PDE2A: variants seen among roughly 807,000 people sequenced by gnomAD.
PDE2A encodes cGMP-dependent 3',5'-cyclic phosphodiesterase.
PDE2A carries 53 observed loss-of-function variants against 133.6 expected under a neutral mutation model. The observed-to-expected ratio is 0.40, with a 90% CI of 0.32 to 0.50. The LOEUF (loss-of-function observed/expected upper bound fraction) is 0.50, where lower values mean the gene tolerates loss of function less well. PDE2A is among the 20% of genes least tolerant of loss of function. The probability of loss-of-function intolerance (pLI) is 0.73; values close to 1 mark genes in which losing one functional copy is unlikely to be tolerated. For missense variants in PDE2A, 796 were observed against 1,232.4 expected (o/e 0.65, Z 5.30); for synonymous variants, 491 against 490.2 (o/e 1.00, Z -0.02).
In PDE2A at chr11:72,605,120, G is replaced by A. The variant is rs778018870; in HGVS notation, c.323+18C>T. 6.5e-7 allele frequency: 1 copy of A among 1,548,548 alleles called. No individual in the cohort carries two copies. The highest frequency in any genetic ancestry group is 1.7e-5 in the Admixed American group (1 of 59,200). On this transcript the variant is annotated intron_variant, in intron 4 of 30. Coordinates refer to ENST00000334456, the MANE Select transcript of PDE2A (RefSeq NM_002599.5). ...TTGGCCATGCAAGAGGGCAATGGGG[G>A]TGCAGAGAATGGCTCACCGGACTTT...
intron 1 of PDE2A, among the ~76,000 whole-genome samples, chr11:72,667,815 G>A (rs1255241883): frequency 6.7e-6 from 1 of 150,084 alleles, no homozygotes; most frequent in Non-Finnish European, 1.5e-5. Context: ...ATTTGAGGCT[G>A]CAGTGAGCTA....
chr11:72,580,132 G>T (rs1488619188), intron 25 of PDE2A, among the ~76,000 whole-genome samples: 4 of 152,120 alleles, frequency 2.6e-5, no homozygotes, highest in African/African-American at 9.7e-5. Flanking sequence ...GCAGCCTCTG[G>T]AGGGGTGTTG....
rs932342293 is a variant in PDE2A, at chr11:72,576,895, G to A, written c.*489C>T. ...GGTCCTCAGGGGGCCTTCGCCCCGC[G>A]GCTGTTTCTAGTCCTCCCACAGAAC... On this transcript the variant is annotated 3_prime_UTR_variant, in exon 31 of 31. Coordinates refer to ENST00000334456, the MANE Select transcript of PDE2A (RefSeq NM_002599.5). The A allele has an allele frequency of 5.1e-5, 9 of 175,272 alleles. No homozygotes were observed. Among genetic ancestry groups the A allele is most frequent in the Middle Eastern group, 5.1e-4 (1 of 1,964 alleles). The allele number at this position is 175,272 out of a possible 1,614,324, so 10.9% of individuals were successfully genotyped here.
intron 21 of PDE2A, 101 bp downstream of exon 21, chr11:72,582,343 T>TG: frequency 8.2e-7 from 1 of 1,218,464 alleles, no homozygotes; most frequent in Non-Finnish European, 1.2e-6. Context: ...CAGCCTTCCT[T>TG]GATGACTCTG....
chr11:72,595,908 G>A (rs1327798783), intron 6 of PDE2A, among the ~76,000 whole-genome samples: 3 of 152,158 alleles, frequency 2.0e-5, no homozygotes, highest in South Asian at 2.1e-4. Flanking sequence ...AGGGGCTGCA[G>A]AGGGAGGCTT....
rs1246581338 is a variant in PDE2A at position 72,585,418 on chromosome 11, C to G, written c.1239G>C (p.Leu413=). 1 of 1,614,134 alleles carries G rather than the reference C, an allele frequency of 6.2e-7. No homozygotes were observed. Among genetic ancestry groups the G allele is most frequent in the South Asian group, 1.1e-5 (1 of 91,076 alleles). ...TGGCCTCCGTGATGATCTCCTGGAG[C>G]AGGACAGAGACGTCATCTGGGGAAG... ...LFTHLDDVSV[L]LQEIITEARN... The change falls in exon 16 of 31, where the codon CTG becomes CTC. Residue 413 remains leucine, a synonymous_variant. Coordinates refer to ENST00000334456, the MANE Select transcript of PDE2A (RefSeq NM_002599.5).
At chr11:72,635,950 T>C in intron 2 of PDE2A, 1 of 1,184,602 alleles carries the variant, frequency 8.4e-7, no homozygotes. Flanking sequence ...CCGCTCCCCC[T>C]CCACACCACG....
At chr11:72,601,111 C>T (rs1211809806) in intron 4 of PDE2A, among the ~76,000 whole-genome samples, 8 of 136,786 alleles carry the variant, frequency 5.8e-5, no homozygotes, top group East Asian at 2.3e-4. Flanking sequence ...CATCCTCCCA[C>T]GGAACCCCAT....
At chr11:72,632,708 C>G (rs1327145508) in intron 2 of PDE2A, among the ~76,000 whole-genome samples, 1 of 152,128 alleles carries the variant, frequency 6.6e-6, no homozygotes, top group Non-Finnish European at 1.5e-5. Context: ...GCTGAGCAGC[C>G]AGGGACAGCC....
rs1326315246 is a variant in PDE2A at position 72,576,348 on chromosome 11, C to T, written c.*1036G>A. On this transcript the variant is annotated 3_prime_UTR_variant, in exon 31 of 31. Coordinates refer to ENST00000334456, the MANE Select transcript of PDE2A (RefSeq NM_002599.5). ...CCAGTGGCCGGGCTGACCCAAGAGTCCCGGCCCTATGGGGTCTCCCAAGCC... is the reference window on the plus strand; with the variant it reads ...CCAGTGGCCGGGCTGACCCAAGAGTTCCGGCCCTATGGGGTCTCCCAAGCC... 1 of 152,062 alleles carries T rather than the reference C, an allele frequency of 6.6e-6. No individual in the cohort carries two copies. The highest frequency in any genetic ancestry group is 1.5e-5 in the Non-Finnish European group (1 of 68,042). 9.4% of individuals were successfully genotyped at this position (152,062 alleles called of 1,614,324 possible).
intron 2 of PDE2A, among the ~76,000 whole-genome samples, chr11:72,635,602 C>G (rs923181181): frequency 3.9e-5 from 6 of 152,238 alleles, no homozygotes; most frequent in African/African-American, 1.4e-4. Flanking sequence ...TAGAACCCCA[C>G]AGACTAACAA....
intron 6 of PDE2A, among the ~76,000 whole-genome samples, chr11:72,593,671 G>A (rs1169453581): frequency 6.6e-6 from 1 of 152,194 alleles, no homozygotes; most frequent in Non-Finnish European, 1.5e-5. Flanking sequence ...TATTATCCCA[G>A]GATTAAGGAA....
At chr11:72,660,000 C>A (rs1855006253) in intron 1 of PDE2A, among the ~76,000 whole-genome samples, 1 of 152,182 alleles carries the variant, frequency 6.6e-6, no homozygotes, top group South Asian at 2.1e-4. Context: ...GTTGGAGGCA[C>A]CCCCACTCCA....
chr11:72,617,510 C>T (rs553677691), intron 2 of PDE2A, among the ~76,000 whole-genome samples: 3 of 152,224 alleles, frequency 2.0e-5, no homozygotes, highest in South Asian at 2.1e-4. Flanking sequence ...CTGTGCTCTG[C>T]GGCATGTGTG....
At chr11:72,577,675 A>C in intron 30 of PDE2A, 81 bp from the exon 31 acceptor site, 1 of 1,041,678 alleles carries the variant, frequency 9.6e-7, no homozygotes, top group Non-Finnish European at 1.5e-6. Flanking sequence ...TACACAACAA[A>C]TAGAACTTCC....
chr11:72,601,018 C>G (rs552710430), intron 4 of PDE2A, among the ~76,000 whole-genome samples: 9 of 151,238 alleles, frequency 6.0e-5, no homozygotes, highest in Non-Finnish European at 1.0e-4. Flanking sequence ...GTGTCCTTCT[C>G]GCGTTCTCTA....
rs2135329273 is a variant in PDE2A at position 72,597,929 on chromosome 11, C to T, written c.324-310G>A. On this transcript the variant is annotated intron_variant, in intron 4 of 30. Coordinates refer to ENST00000334456, the MANE Select transcript of PDE2A (RefSeq NM_002599.5). The surrounding 1 kb of genome is among the most constrained non-coding windows in gnomAD (Gnocchi z 4.6). ...AATGCAGGGGCTCAAAGCTAGGCTG[C>T]CTGCTACAATCTGACCTTAGGCACA... Among the ~76,000 whole-genome samples the T allele has an allele frequency of 1.3e-5, 2 of 152,282 alleles. No individual in the cohort carries two copies. The highest frequency in any genetic ancestry group is 4.2e-4 in the South Asian group (2 of 4,818).
At chr11:72,598,500 A>C in intron 4 of PDE2A, 1 of 1,288,952 alleles carries the variant, frequency 7.8e-7, no homozygotes, top group East Asian at 5.6e-5. Context: ...ATCCCGCTTA[A>C]TTAAGCACCT....
rs1486101581 is a variant in PDE2A at position 72,585,113 on chromosome 11, TG to T, written c.1287-170del. 368 of 560,554 alleles carry T rather than the reference TG, an allele frequency of 6.6e-4. No individual in the cohort carries two copies. In the East Asian group the frequency reaches 8.2e-3, roughly 12 times the overall value. The allele number at this position is 560,554 out of a possible 1,614,324, so 34.7% of individuals were successfully genotyped here. A position where few individuals can be genotyped will look rare whatever the true frequency, so the allele number is the denominator to read the frequency against. On this transcript the variant is annotated intron_variant, in intron 16 of 30. Transcript: ENST00000334456. ...CAGAAACGTGTCCATTCAAGTGTTT[TG>T]TTTTTTTTTTTTTTTGGAAGCACCT...
Sources: allele counts gnomAD v4.1 joint callset (sites outside exome capture counted in the v4.1 genomes callset), GRCh38; gene constraint gnomAD v4.1.1; non-coding constraint Gnocchi (gnomAD v3.1); transcripts MANE v1.5; gene names NCBI Gene and HGNC (gene_info 2026-07-23, HGNC 2026-07-21).